The following SEMA6D variants were observed in gnomAD, a reference collection of about 807,000 sequenced individuals.
The protein encoded by SEMA6D is semaphorin 6D.
Under a neutral mutation model 106.6 loss-of-function variants are expected in SEMA6D, and 35 were observed. The observed-to-expected ratio is 0.33, with a 90% CI of 0.25 to 0.44. SEMA6D has a LOEUF of 0.44. SEMA6D is among the 20% of genes least tolerant of loss of function. SEMA6D has a pLI of 1.00. For synonymous variants in SEMA6D, 499 were observed against 487.7 expected (o/e 1.02, Z -0.31); for missense variants, 1,185 against 1,345.9 (o/e 0.88, Z 1.87).
Position 47,773,984 on chromosome 15 carries a change from T to G in SEMA6D, c.*2199T>G, listed in dbSNP as rs2082737171. 1 of 152,650 alleles carries G rather than the reference T, an allele frequency of 6.6e-6. No homozygotes were observed. The highest frequency in any genetic ancestry group is 2.4e-5 in the African/African-American group (1 of 41,472). The allele number at this position is 152,650 out of a possible 1,614,324, so 9.5% of individuals were successfully genotyped here. A position where few individuals can be genotyped will look rare whatever the true frequency, so the allele number is the denominator to read the frequency against. ...TTTCTAACATTAAATCTAGTCTCTATCCTGTTAATTTAATTTTTAAATGCT... is the reference window on the plus strand; with the variant it reads ...TTTCTAACATTAAATCTAGTCTCTAGCCTGTTAATTTAATTTTTAAATGCT... On this transcript the variant is annotated 3_prime_UTR_variant, in exon 19 of 19. Transcript: ENST00000536845.
chr15:47,609,430 A>G (rs1024276261), intron 4 of SEMA6D, among the ~76,000 whole-genome samples: 20 of 152,158 alleles, frequency 1.3e-4, no homozygotes, highest in African/African-American at 4.6e-4. Flanking sequence ...TACAAGTTTA[A>G]AAACAGAAAA....
At chr15:47,404,752 T>C (rs2040505718) in intron 1 of SEMA6D, among the ~76,000 whole-genome samples, 1 of 152,164 alleles carries the variant, frequency 6.6e-6, no homozygotes, top group Non-Finnish European at 1.5e-5. Context: ...GGAGAGAAAT[T>C]AGTGAGTAAT....
intron 2 of SEMA6D, among the ~76,000 whole-genome samples, chr15:47,422,467 C>T (rs2041203603): frequency 6.6e-6 from 1 of 151,988 alleles, no homozygotes; most frequent in Non-Finnish European, 1.5e-5. Context: ...AGAATATATT[C>T]TGCCTGACTG....
At chr15:47,202,584 T>C (rs1894794533) in intron 1 of SEMA6D, among the ~76,000 whole-genome samples, 1 of 152,302 alleles carries the variant, frequency 6.6e-6, no homozygotes, top group African/African-American at 2.4e-5. Context: ...CCTGGAAGTA[T>C]GTCAACATAT....
At chr15:47,766,300 A>T (rs1241882885) in intron 15 of SEMA6D, 118 bp downstream of exon 15, 2 of 871,080 alleles carry the variant, frequency 2.3e-6, no homozygotes, top group South Asian at 3.6e-5. Context: ...GTTATGGGAG[A>T]AACAGGAAAA....
intron 3 of SEMA6D, among the ~76,000 whole-genome samples, chr15:47,597,348 C>T (rs12906510): frequency 0.24 from 36,565 of 151,776 alleles, 5,256 homozygotes; most frequent in East Asian, 0.46. Context: ...CAGTATGGTC[C>T]GGCAATTCCA....
At chr15:47,244,625 C>T (rs944608710) in intron 1 of SEMA6D, among the ~76,000 whole-genome samples, 15 of 152,144 alleles carry the variant, frequency 9.9e-5, no homozygotes, top group Non-Finnish European at 1.2e-4. Flanking sequence ...GCCCAAGGGA[C>T]CTGACTCTGT....
intron 3 of SEMA6D, among the ~76,000 whole-genome samples, chr15:47,567,665 C>A (rs568157624): frequency 8.5e-5 from 13 of 152,288 alleles, no homozygotes; most frequent in African/African-American, 3.1e-4. Context: ...ATTTGTATTT[C>A]CTTCTAGTTC....
At chr15:47,439,678 A>G (rs2041825846) in intron 2 of SEMA6D, among the ~76,000 whole-genome samples, 1 of 152,172 alleles carries the variant, frequency 6.6e-6, no homozygotes, top group South Asian at 2.1e-4. Context: ...TGCTGATGCT[A>G]TTCTCACAGC....
intron 4 of SEMA6D, among the ~76,000 whole-genome samples, chr15:47,660,195 TAAAA>T (rs35019889): frequency 1.4e-5 from 2 of 146,830 alleles, no homozygotes; most frequent in African/African-American, 5.1e-5. Flanking sequence ...ATCAACATAA[TAAAA>T]AAAAAAAACC....
chr15:47,415,123 T>G (rs2040919491), intron 2 of SEMA6D, among the ~76,000 whole-genome samples: 1 of 152,194 alleles, frequency 6.6e-6, no homozygotes, highest in South Asian at 2.1e-4. Context: ...AAAAAGCATC[T>G]TCATCGATCT....
chr15:47,710,258 T>G (rs956217637), intron 4 of SEMA6D, among the ~76,000 whole-genome samples: 17 of 152,216 alleles, frequency 1.1e-4, no homozygotes, highest in Non-Finnish European at 2.9e-5. Context: ...CAAGCATTTC[T>G]TCTTATTTTA....
At chr15:47,409,995 A>AT (rs548730173) in intron 1 of SEMA6D, among the ~76,000 whole-genome samples, 49 of 150,762 alleles carry the variant, frequency 3.3e-4, no homozygotes, top group African/African-American at 8.5e-4. Flanking sequence ...TATTTAAGAA[A>AT]TTTTTTTTTT....
chr15:47,529,114 A>G (rs1366005540), intron 3 of SEMA6D, among the ~76,000 whole-genome samples: 1 of 152,220 alleles, frequency 6.6e-6, no homozygotes, highest in African/African-American at 2.4e-5. Flanking sequence ...CTTACAATCA[A>G]GTAAGCTAGA....
chr15:47,317,635 G>A (rs1566993639), intron 1 of SEMA6D, among the ~76,000 whole-genome samples: 1 of 152,078 alleles, frequency 6.6e-6, no homozygotes, highest in African/African-American at 2.4e-5. Flanking sequence ...GAATTCTAAG[G>A]TGGTTAGTCC....
At chr15:47,516,660 T>C (rs370766871) in intron 3 of SEMA6D, among the ~76,000 whole-genome samples, 56 of 152,234 alleles carry the variant, frequency 3.7e-4, no homozygotes, top group African/African-American at 1.1e-3. Flanking sequence ...ACTGAATTAA[T>C]ATGTATCATA....
chr15:47,531,564 G>A (rs908244324), intron 3 of SEMA6D, among the ~76,000 whole-genome samples: 2 of 152,214 alleles, frequency 1.3e-5, no homozygotes, highest in African/African-American at 4.8e-5. Context: ...TATTTGTGAT[G>A]ATCTCCTTTT....
intron 3 of SEMA6D, among the ~76,000 whole-genome samples, chr15:47,471,974 C>CACACA (rs71432244): frequency 1.4e-5 from 2 of 140,600 alleles, no homozygotes; most frequent in Non-Finnish European, 3.1e-5. Context: ...CACACACACA[C>CACACA]GAAAAAGAGA....
intron 4 of SEMA6D, among the ~76,000 whole-genome samples, chr15:47,687,568 C>T (rs932292923): frequency 3.5e-4 from 54 of 152,180 alleles, no homozygotes; most frequent in African/African-American, 1.3e-3. Context: ...CCATATTAAA[C>T]GATTAGATCT....
Sources: allele counts gnomAD v4.1 joint callset (sites outside exome capture counted in the v4.1 genomes callset), GRCh38; gene constraint gnomAD v4.1.1; transcripts MANE v1.5; gene names NCBI Gene and HGNC (gene_info 2026-07-23, HGNC 2026-07-21).